WDR13: variants seen among roughly 807,000 people sequenced by gnomAD.
WDR13 encodes WD repeat domain 13, also known as WD repeat-containing protein 13.
In WDR13, 1 loss-of-function variant was observed where a neutral mutation model predicts 28.6. That is an observed-to-expected ratio of 0.03 (90% CI 0.01 to 0.17). WDR13 has a LOEUF of 0.17. Among genes scored for constraint, WDR13 ranks in the 10% least tolerant of loss-of-function variants. The pLI is 1.00. For synonymous variants in WDR13, 201 were observed against 185.9 expected, an observed-to-expected ratio of 1.08 and a Z score of -0.66; for missense variants, 264 against 469.3, an observed-to-expected ratio of 0.56 and a Z score of 4.04.
At chrX:48,603,890 G>C (rs950858249) in intron 8 of WDR13, among the ~76,000 whole-genome samples, 6 of 111,179 alleles carry the variant, frequency 5.4e-5, no homozygotes, top group Non-Finnish European at 9.4e-5. Context: ...AACTGCAGAG[G>C]CTCCCATTTA....
chrX:48,600,067 G>A lies in WDR13; in HGVS notation c.524-252G>A, dbSNP rs1556993947. 9.6e-6 allele frequency: 4 copies of A among 418,344 alleles called. No individual in the cohort carries two copies. The South Asian group carries it at 1.3e-4, about 14-fold the overall frequency. 34.5% of individuals were successfully genotyped at this position (418,344 alleles called of 1,213,427 possible). ...CCAAGACCTTGATTATAAAGTGTTC[G>A]CTAAGACAGGAACTTTTTCATGTTG... On this transcript the variant is annotated intron_variant, in intron 5 of 9. Coordinates refer to ENST00000376729, the MANE Select transcript of WDR13 (RefSeq NM_001347217.2).
intron 5 of WDR13, chrX:48,599,938 T>C (rs1158520788): frequency 8.1e-6 from 4 of 495,917 alleles, no homozygotes; most frequent in Non-Finnish European, 1.3e-5. Context: ...TGCAGCAGGC[T>C]GCCTGGGTTC....
At chrX:48,600,647 C>T (rs1024483815) in intron 6 of WDR13, 21 bp downstream of exon 6, 10 of 1,198,174 alleles carry the variant, frequency 8.3e-6, no homozygotes, top group Non-Finnish European at 1.1e-5. Flanking sequence ...AGGACACCCA[C>T]TCACCAAGGG....
chrX:48,600,788 G>A, intron 6 of WDR13, 162 bp downstream of exon 6: 1 of 601,436 alleles, frequency 1.7e-6, no homozygotes, highest in Non-Finnish European at 2.5e-6. Flanking sequence ...AGACTTAAAA[G>A]GGAAGCAGAT....
At position 48,598,711 on chromosome X, in the gene WDR13, C is replaced by T. The variant is rs782760004; in HGVS notation, c.42-6C>T. ...CTGCTGCCTGCCCTGCATCCTGACC[C>T]TGCAGGTACAACGCGTACCGCACAC... On this transcript the variant is annotated splice_polypyrimidine_tract_variant and splice_region_variant and intron_variant, in intron 2 of 9. Transcript: ENST00000376729. 7.0e-6 allele frequency: 8 copies of T among 1,140,332 alleles called. No homozygotes were observed. The highest frequency in any genetic ancestry group is 5.6e-5 in the South Asian group (3 of 53,567). The allele number at this position is 1,140,332 out of a possible 1,213,427, so 94.0% of individuals were successfully genotyped here.
At chrX:48,601,572 C>T (rs782511905) in intron 6 of WDR13, among the ~76,000 whole-genome samples, 2 of 112,087 alleles carry the variant, frequency 1.8e-5, no homozygotes, top group African/African-American at 3.2e-5. Flanking sequence ...CCCTTTAGTC[C>T]CGTAGGCAGG....
Position 48,600,563 on chromosome X carries a change from T to C in WDR13, c.768T>C (p.Pro256=). 8.3e-7 allele frequency: 1 copy of C among 1,211,871 alleles called. No homozygotes were observed. The highest frequency in any genetic ancestry group is 1.1e-6 in the Non-Finnish European group (1 of 895,515). The stretch of plus-strand genomic sequence containing the variant: ...ATGGTCGCTGCATCCGAGAGATCCC[T>C]GACCCCGATAGCGCTGAACTGCTCT... ...SEDGRCIREI[P]DPDSAELLCC... The change falls in exon 6 of 10, where the codon CCT becomes CCC. Residue 256 remains proline, a synonymous_variant. Coordinates refer to ENST00000376729, the MANE Select transcript of WDR13 (RefSeq NM_001347217.2).
chrX:48,601,732 CAAG>C (rs1187382282), intron 6 of WDR13, 49 bp from the exon 7 acceptor site: 25 of 1,114,559 alleles, frequency 2.2e-5, no homozygotes, highest in South Asian at 2.0e-4. Context: ...TGGTCAGACT[CAAG>C]GAGGGCCTGG....
At chrX:48,598,580 C>A in intron 2 of WDR13, 137 bp from the exon 3 acceptor site, 1 of 1,088,087 alleles carries the variant, frequency 9.2e-7, no homozygotes, top group Non-Finnish European at 1.2e-6. Context: ...GGTCCCTCAT[C>A]ACCACTGCTA....
rs2062231449 is a variant in WDR13, at chrX:48,607,953, G to A, written c.*2921G>A. 9.3e-6 allele frequency: 1 copy of A among 107,835 alleles called. No individual in the cohort carries two copies. Among genetic ancestry groups the A allele is most frequent in the Non-Finnish European group, 1.9e-5 (1 of 52,228 alleles). The allele number at this position is 107,835 out of a possible 1,213,427, so 8.9% of individuals were successfully genotyped here. A position where few individuals can be genotyped will look rare whatever the true frequency, so the allele number is the denominator to read the frequency against. ...CGCCCAGCTAATTTTTGTATTTTTAGTAGAGACGGGGTTTCACCATATTGG... is the reference window on the plus strand; with the variant it reads ...CGCCCAGCTAATTTTTGTATTTTTAATAGAGACGGGGTTTCACCATATTGG... On this transcript the variant is annotated 3_prime_UTR_variant, in exon 10 of 10. Coordinates refer to ENST00000376729, the MANE Select transcript of WDR13 (RefSeq NM_001347217.2).
chrX:48,600,049 C>T (rs1556993942), intron 5 of WDR13: 1 of 415,423 alleles, frequency 2.4e-6, no homozygotes, highest in African/African-American at 2.5e-5. Flanking sequence ...TTGCCAAGAC[C>T]TTGATTATAA....
At chrX:48,601,741 C>A in intron 6 of WDR13, 43 bp from the exon 7 acceptor site, 3 of 1,126,893 alleles carry the variant, frequency 2.7e-6, no homozygotes, top group Non-Finnish European at 3.5e-6. Flanking sequence ...TCAAGGAGGG[C>A]CTGGCTGGAA....
rs1244126065 is a variant in WDR13, at chrX:48,607,195, C to T, written c.*2163C>T. ...AAAAAGAAATGGTGTGCAGGACCAA[C>T]TCCCAGAGAGACCCAGGCACAAGTT... On this transcript the variant is annotated 3_prime_UTR_variant, in exon 10 of 10. Coordinates refer to ENST00000376729, the MANE Select transcript of WDR13 (RefSeq NM_001347217.2). 9.0e-6 allele frequency: 1 copy of T among 110,960 alleles called. No individual in the cohort carries two copies. Among genetic ancestry groups the T allele is most frequent in the Non-Finnish European group, 1.9e-5 (1 of 53,018 alleles). 9.1% of individuals were successfully genotyped at this position (110,960 alleles called of 1,213,427 possible). A position where few individuals can be genotyped will look rare whatever the true frequency, so the allele number is the denominator to read the frequency against.
intron 2 of WDR13, 39 bp from the exon 3 acceptor site, chrX:48,598,678 T>C (rs782714581): frequency 4.6e-6 from 4 of 861,723 alleles, no homozygotes; most frequent in Non-Finnish European, 6.1e-6. Context: ...ATTCCCTCTG[T>C]CCTGTGCCTG....
chrX:48,602,746 A>C (rs1407960036), intron 8 of WDR13, among the ~76,000 whole-genome samples: 1 of 110,392 alleles, frequency 9.1e-6, no homozygotes, highest in East Asian at 2.8e-4. Flanking sequence ...TCCCTAAGCA[A>C]TGTCTGGCCA....
rs1556994014 is a variant in WDR13, at chrX:48,600,349, G to A, written c.554G>A (p.Arg185Gln). 2 of 1,202,326 alleles carry A rather than the reference G, an allele frequency of 1.7e-6. No individual in the cohort carries two copies. Among genetic ancestry groups the A allele is most frequent in the Non-Finnish European group, 2.2e-6 (2 of 892,974 alleles). The change falls in exon 6 of 10, where the codon CGA (arginine) becomes CAA (glutamine). Residue 185 changes from arginine to glutamine, a missense_variant. Physicochemically the swap from Arg to Gln is conservative, Grantham distance 43 (BLOSUM62 1). Coordinates refer to ENST00000376729, the MANE Select transcript of WDR13 (RefSeq NM_001347217.2). ...VPRVRFANDD[R>Q]HRLACCSLDG... ...AGGGTGCGCTTCGCCAATGATGACC[G>A]ACACCGCCTGGCCTGCTGCTCACTC...
chrX:48,601,701 G>A (rs781979421), intron 6 of WDR13, 83 bp from the exon 7 acceptor site: 35 of 973,691 alleles, frequency 3.6e-5, no homozygotes, highest in Middle Eastern at 2.8e-4. Flanking sequence ...CCAGCCAGTC[G>A]CATCAACAGC....
chrX:48,605,258 A>C lies in WDR13; in HGVS notation c.*226A>C, dbSNP rs2062215457. The C allele has an allele frequency of 1.2e-5, 5 of 427,679 alleles. No homozygotes were observed. The highest frequency in any genetic ancestry group is 1.6e-5 in the Non-Finnish European group (4 of 249,036). The allele number at this position is 427,679 out of a possible 1,213,427, so 35.2% of individuals were successfully genotyped here. On this transcript the variant is annotated 3_prime_UTR_variant, in exon 10 of 10. Transcript: ENST00000376729. ...CATTCATTCCACAAGCATTGATTGA[A>C]TGTCTGCTGGGTTACAGGCCCTGCC...
chrX:48,605,238 A>G lies in WDR13; in HGVS notation c.*206A>G. The G allele has an allele frequency of 4.4e-6, 2 of 449,653 alleles. No homozygotes were observed. Among genetic ancestry groups the G allele is most frequent in the South Asian group, 3.6e-5 (1 of 27,678 alleles). 37.1% of individuals were successfully genotyped at this position (449,653 alleles called of 1,213,427 possible). Reference sequence around the variant, plus strand: ...CATTCATGCATCGACGGATTCATTCATTCCACAAGCATTGATTGAATGTCT... The same window carrying G: ...CATTCATGCATCGACGGATTCATTCGTTCCACAAGCATTGATTGAATGTCT... On this transcript the variant is annotated 3_prime_UTR_variant, in exon 10 of 10. Transcript: ENST00000376729.
Sources: allele counts gnomAD v4.1 joint callset (sites outside exome capture counted in the v4.1 genomes callset), GRCh38; gene constraint gnomAD v4.1.1; transcripts MANE v1.5; gene names NCBI Gene and HGNC (gene_info 2026-07-23, HGNC 2026-07-21).